RPS6KC1: variants seen among roughly 807,000 people sequenced by gnomAD.
The protein encoded by RPS6KC1 is inactive ribosomal protein S6 kinase delta-1.
A neutral mutation model predicts 103.8 loss-of-function variants in RPS6KC1; 54 were observed. That is an observed-to-expected ratio of 0.52 (90% CI 0.42 to 0.65). The LOEUF (loss-of-function observed/expected upper bound fraction) is 0.65. Ranked by LOEUF, RPS6KC1 falls within the 30% of genes least tolerant of loss-of-function variation. The pLI, the probability that RPS6KC1 is intolerant of heterozygous loss-of-function variation, is 0.00. For missense variants in RPS6KC1, 1,151 were observed against 1,253.8 expected (o/e 0.92, Z 1.24); for synonymous variants, 439 against 438.7 (o/e 1.00, Z -0.01).
At chr1:213,289,730 A>G in the RPS6KC1 span, among the ~76,000 whole-genome samples, 1 of 152,188 alleles carries the variant, frequency 6.6e-6, no homozygotes, top group African/African-American at 2.4e-5. Context: ...AAGAATTACA[A>G]TAAACTGCAT....
chr1:213,205,541 TATATAG>T lies in RPS6KC1; in HGVS notation c.1045-24950_1045-24945del, dbSNP rs1005748313. Among the ~76,000 whole-genome samples, 660 of 110,006 alleles carry T rather than the reference TATATAG, an allele frequency of 6.0e-3. 47 individuals are homozygous for T. The highest frequency in any genetic ancestry group is 0.017 in the African/African-American group (479 of 28,554). The allele number at this position is 110,006 out of a possible 152,430, so 72.2% of individuals were successfully genotyped here. A position where few individuals can be genotyped will look rare whatever the true frequency, so the allele number is the denominator to read the frequency against. On this transcript the variant is annotated intron_variant, in intron 8 of 14. Transcript: ENST00000366960. ...GTTAATAACAACAAACTCATTTATA[TATATAG>T]ATATATATATATATATATATTTCAA...
chr1:213,491,810 G>T, the RPS6KC1 span, among the ~76,000 whole-genome samples: 1 of 152,208 alleles, frequency 6.6e-6, no homozygotes, highest in Non-Finnish European at 1.5e-5. Flanking sequence ...AGGAATATCT[G>T]AGTCCCCAGC....
the RPS6KC1 span, among the ~76,000 whole-genome samples, chr1:213,391,028 T>A: frequency 1.3e-5 from 2 of 152,092 alleles, no homozygotes; most frequent in Non-Finnish European, 2.9e-5. Context: ...CCCATCTAAT[T>A]GTCTGATGTT....
chr1:213,564,687 C>T, the RPS6KC1 span, among the ~76,000 whole-genome samples: 2 of 152,162 alleles, frequency 1.3e-5, no homozygotes, highest in Non-Finnish European at 2.9e-5. Flanking sequence ...TTTGCAGGAT[C>T]CCCTCCTCTG....
At chr1:213,765,975 G>A in the RPS6KC1 span, among the ~76,000 whole-genome samples, 3 of 152,178 alleles carry the variant, frequency 2.0e-5, no homozygotes, top group African/African-American at 7.2e-5. Context: ...GTGGATTGAT[G>A]GCTTTGTTTT....
At chr1:213,097,512 C>T (rs1343020067) in intron 3 of RPS6KC1, among the ~76,000 whole-genome samples, 1 of 152,106 alleles carries the variant, frequency 6.6e-6, no homozygotes. Context: ...CTTAAAGGCC[C>T]TAGGATTTTC....
At chr1:213,628,698 C>T in the RPS6KC1 span, among the ~76,000 whole-genome samples, 3 of 152,014 alleles carry the variant, frequency 2.0e-5, no homozygotes, top group African/African-American at 7.3e-5. Context: ...TAGATCTTTC[C>T]TGCTTTCTCT....
At chr1:213,589,196 A>T in the RPS6KC1 span, among the ~76,000 whole-genome samples, 26 of 152,046 alleles carry the variant, frequency 1.7e-4, 1 homozygote, top group East Asian at 1.9e-3. Context: ...AGAAGAGAAA[A>T]CCCAAAGGGA....
the RPS6KC1 span, among the ~76,000 whole-genome samples, chr1:213,527,651 C>CT: frequency 0.21 from 31,741 of 151,204 alleles, 3,639 homozygotes; most frequent in East Asian, 0.3. Flanking sequence ...TTGATGTGTT[C>CT]TTTTTTTTTA....
chr1:213,730,494 G>A, the RPS6KC1 span, among the ~76,000 whole-genome samples: 2,901 of 152,286 alleles, frequency 0.019, 42 homozygotes, highest in Non-Finnish European at 0.026. Flanking sequence ...TCTCATTGGG[G>A]TTTTGATTTC....
At chr1:213,444,944 T>C in the RPS6KC1 span, among the ~76,000 whole-genome samples, 1 of 152,290 alleles carries the variant, frequency 6.6e-6, no homozygotes, top group African/African-American at 2.4e-5. Flanking sequence ...ATCACCATAA[T>C]CCATTTGAGA....
intron 7 of RPS6KC1, among the ~76,000 whole-genome samples, chr1:213,173,166 A>G (rs2091610532): frequency 2.0e-5 from 3 of 152,248 alleles, no homozygotes; most frequent in Non-Finnish European, 4.4e-5. Context: ...CATCTGAAGA[A>G]AGGAGTAGAT....
At chr1:213,753,853 T>A in the RPS6KC1 span, among the ~76,000 whole-genome samples, 2 of 152,292 alleles carry the variant, frequency 1.3e-5, no homozygotes, top group East Asian at 3.9e-4. Context: ...ACTTTAACAC[T>A]TACATCACAT....
the RPS6KC1 span, among the ~76,000 whole-genome samples, chr1:213,728,937 G>GTTTTTTTTTTT: frequency 0.024 from 2,223 of 93,234 alleles, 453 homozygotes; most frequent in Middle Eastern, 0.057. Flanking sequence ...GAACATGAGG[G>GTTTTTTTTTTT]TTTTTTTTTT....
At chr1:213,171,921 A>G (rs1237734668) in intron 7 of RPS6KC1, among the ~76,000 whole-genome samples, 1 of 152,176 alleles carries the variant, frequency 6.6e-6, no homozygotes, top group African/African-American at 2.4e-5. Flanking sequence ...TCATAATTAG[A>G]CAGTAGAGTT....
the RPS6KC1 span, among the ~76,000 whole-genome samples, chr1:213,788,093 T>A: frequency 1.3e-5 from 2 of 152,196 alleles, no homozygotes; most frequent in African/African-American, 4.8e-5. Flanking sequence ...TAGTCCATTC[T>A]GTACAAAGAT....
At chr1:213,715,873 G>T in the RPS6KC1 span, among the ~76,000 whole-genome samples, 1 of 152,140 alleles carries the variant, frequency 6.6e-6, no homozygotes, top group Non-Finnish European at 1.5e-5. Context: ...TAAGATACAG[G>T]CAGGGAGGGT....
At chr1:213,331,939 C>T in the RPS6KC1 span, among the ~76,000 whole-genome samples, 2 of 151,688 alleles carry the variant, frequency 1.3e-5, no homozygotes, top group African/African-American at 4.9e-5. Flanking sequence ...GGATCTTCCC[C>T]TTCTGCTGTA....
chr1:213,057,798 C>T (rs1182687689), intron 1 of RPS6KC1, among the ~76,000 whole-genome samples: 9 of 126,622 alleles, frequency 7.1e-5, no homozygotes, highest in African/African-American at 2.6e-4. Flanking sequence ...GAGTCTCCCT[C>T]TGTTGTCCAG....
Sources: gnomAD v4.1 joint callset for allele counts (sites outside exome capture counted in the v4.1 genomes callset) on GRCh38, gnomAD v4.1.1 for gene constraint, MANE v1.5 for transcripts, NCBI Gene and HGNC (gene_info 2026-07-23, HGNC 2026-07-21) for gene names.